PCDHGA1: variants seen among roughly 807,000 people sequenced by gnomAD.
The protein encoded by PCDHGA1 is protocadherin gamma-A1.
A neutral mutation model predicts 58.0 loss-of-function variants in PCDHGA1; 32 were observed. The observed-to-expected ratio is 0.55, with a 90% CI of 0.42 to 0.74. The LOEUF is 0.74. PCDHGA1 is among the 30% of genes least tolerant of loss of function. The pLI is 0.00. For missense variants in PCDHGA1, 1,205 were observed against 1,182.3 expected, an observed-to-expected ratio of 1.02 and a Z score of -0.28; for synonymous variants, 498 against 501.1, an observed-to-expected ratio of 0.99 and a Z score of 0.08.
intron 1 of PCDHGA1, chr5:141,356,250 A>G (rs750081994): frequency 2.1e-5 from 33 of 1,575,134 alleles, no homozygotes; most frequent in Non-Finnish European, 2.8e-5. Flanking sequence ...TCACAGTTAC[A>G]TCTCTCACCA....
In PCDHGA1 at chr5:141,477,605, T is replaced by A. The variant is rs1339408637; in HGVS notation, c.2422-17202T>A. On this transcript the variant is annotated intron_variant, in intron 1 of 3. Transcript: ENST00000517417. This position sits in a 1 kb window ranked among gnomAD's most constrained non-coding sequence, Gnocchi z 4.9. ...GAATGCTCGGCTTTCTTTCTTTCTCTTGGAGCAAGGAGCTGAAACCGGGCT... is the reference window on the plus strand; with the variant it reads ...GAATGCTCGGCTTTCTTTCTTTCTCATGGAGCAAGGAGCTGAAACCGGGCT... The A allele has an allele frequency of 6.2e-6, 10 of 1,614,102 alleles. No individual in the cohort carries two copies. In the South Asian group the frequency reaches 1.1e-4, roughly 18 times the overall value.
chr5:141,416,859 G>A (rs1411419006), intron 1 of PCDHGA1: 1 of 151,936 alleles, frequency 6.6e-6, no homozygotes, highest in South Asian at 2.1e-4. Context: ...ATTTTTTTCA[G>A]GTCAGTCAAC....
At chr5:141,399,256 G>T in intron 1 of PCDHGA1, 3 of 1,613,964 alleles carry the variant, frequency 1.9e-6, no homozygotes, top group Non-Finnish European at 2.5e-6. Flanking sequence ...GGAAAATGGG[G>T]AGGTTAATTG....
At chr5:141,344,847 G>T in intron 1 of PCDHGA1, 2 of 1,613,754 alleles carry the variant, frequency 1.2e-6, no homozygotes, top group Non-Finnish European at 1.7e-6. Flanking sequence ...CCCTGACGAG[G>T]GATTCAATGC....
intron 1 of PCDHGA1, chr5:141,372,919 A>AT (rs1186389143): frequency 7.2e-5 from 73 of 1,017,918 alleles, no homozygotes; most frequent in Non-Finnish European, 9.7e-5. Context: ...TATTTTATTG[A>AT]TTTTCTGGTG....
chr5:141,332,868 G>A lies in PCDHGA1; in HGVS notation c.2184G>A (p.Ser728=), dbSNP rs750881218. 3 of 1,614,220 alleles carry A rather than the reference G, an allele frequency of 1.9e-6. No homozygotes were observed. The highest frequency in any genetic ancestry group is 2.2e-5 in the East Asian group (1 of 44,872). Residue 728 remains serine (S), a synonymous_variant, in exon 1 of 4, where the codon TCG becomes TCA. Transcript: ENST00000517417. The surrounding 1 kb of genome is among the most constrained non-coding windows in gnomAD (Gnocchi z 4.6). ...RWHKSRLLQA[S]GGGLASMPGS... ...ACAAGTCACGTCTGCTACAGGCTTC[G>A]GGAGGCGGCTTAGCGAGCATGCCCG...
chr5:141,370,459 T>G, intron 1 of PCDHGA1: 2 of 1,612,272 alleles, frequency 1.2e-6, no homozygotes, highest in Admixed American at 3.3e-5. Flanking sequence ...CTCTTCCTGC[T>G]CTCTTTGTTA....
intron 1 of PCDHGA1, chr5:141,359,944 G>T: frequency 2.0e-6 from 1 of 508,210 alleles, no homozygotes; most frequent in Non-Finnish European, 3.2e-6. Flanking sequence ...CGTCGCTGTT[G>T]GTCAAAAGAA....
chr5:141,355,722 A>T, intron 1 of PCDHGA1: 1 of 1,614,040 alleles, frequency 6.2e-7, no homozygotes, highest in Non-Finnish European at 8.5e-7. Context: ...AGCTCAACTC[A>T]AACGGTTACT....
chr5:141,404,710 C>A (rs772390810), intron 1 of PCDHGA1: 1 of 1,614,014 alleles, frequency 6.2e-7, no homozygotes, highest in African/African-American at 1.3e-5. Flanking sequence ...AGCCTGGCTA[C>A]CTGGTGACCA....
At chr5:141,392,721 G>A (rs1169584002) in intron 1 of PCDHGA1, 25 of 1,390,348 alleles carry the variant, frequency 1.8e-5, no homozygotes, top group South Asian at 3.2e-5. Context: ...CAGGTTTCCG[G>A]AGGATTGTCA....
At chr5:141,375,062 C>G in intron 1 of PCDHGA1, 1 of 1,613,996 alleles carries the variant, frequency 6.2e-7, no homozygotes, top group Non-Finnish European at 8.5e-7. Flanking sequence ...TGGGCCAGGT[C>G]TTCGAGACAG....
chr5:141,396,813 T>C (rs1031435038), intron 1 of PCDHGA1, among the ~76,000 whole-genome samples: 4 of 152,240 alleles, frequency 2.6e-5, no homozygotes, highest in African/African-American at 9.6e-5. Context: ...AGTGTTCTAC[T>C]GTATGGTGCA....
intron 1 of PCDHGA1, chr5:141,341,557 A>G: frequency 7.5e-7 from 1 of 1,340,502 alleles, no homozygotes; most frequent in Admixed American, 2.8e-5. Context: ...TAGTGTTCAC[A>G]GGCTGTAAGA....
chr5:141,420,438 GC>G, intron 1 of PCDHGA1: 1 of 1,107,996 alleles, frequency 9.0e-7, no homozygotes, highest in Non-Finnish European at 1.2e-6. Flanking sequence ...TAAATTAAAT[GC>G]CTCAGTCTTC....
intron 1 of PCDHGA1, among the ~76,000 whole-genome samples, chr5:141,435,652 G>A (rs978809372): frequency 3.9e-5 from 6 of 152,226 alleles, no homozygotes; most frequent in East Asian, 1.9e-4. Flanking sequence ...TTTCTGAAAC[G>A]TGCACAGATT....
At chr5:141,349,549 A>G (rs1362405678) in intron 1 of PCDHGA1, among the ~76,000 whole-genome samples, 1 of 152,162 alleles carries the variant, frequency 6.6e-6, no homozygotes, top group Non-Finnish European at 1.5e-5. Context: ...TAAAGAAGAG[A>G]AATAACATAA....
rs775081505 is a variant in PCDHGA1 at position 141,486,730 on chromosome 5, T to C, written c.2422-8077T>C. ...ACCCCCAGACAGGAGCTGTTCATGC[T>C]ACTCGATCCTTTGACTATGAGCAAA... On this transcript the variant is annotated intron_variant, in intron 1 of 3. Coordinates refer to ENST00000517417, the MANE Select transcript of PCDHGA1 (RefSeq NM_018912.3). This position sits in a 1 kb window ranked among gnomAD's most constrained non-coding sequence, Gnocchi z 5.0. 1 of 1,614,120 alleles carries C rather than the reference T, an allele frequency of 6.2e-7. No homozygotes were observed. Among genetic ancestry groups the C allele is most frequent in the Non-Finnish European group, 8.5e-7 (1 of 1,180,050 alleles).
At chr5:141,396,955 C>T (rs1476582665) in intron 1 of PCDHGA1, among the ~76,000 whole-genome samples, 2 of 152,156 alleles carry the variant, frequency 1.3e-5, no homozygotes, top group Non-Finnish European at 2.9e-5. Context: ...AAAGAAAATC[C>T]TTACTCTCCC....
Sources: gnomAD v4.1 joint callset for allele counts (sites outside exome capture counted in the v4.1 genomes callset) on GRCh38, gnomAD v4.1.1 for gene constraint, Gnocchi (gnomAD v3.1) non-coding constraint, MANE v1.5 for transcripts, NCBI Gene and HGNC (gene_info 2026-07-23, HGNC 2026-07-21) for gene names.